The following CAST variants were observed in gnomAD, a reference collection of about 807,000 sequenced individuals.
CAST encodes calpastatin, also known as MIR583 host.
In CAST, 76 loss-of-function variants were observed where a neutral mutation model predicts 119.6. That is an observed-to-expected ratio of 0.64 (90% confidence interval 0.53 to 0.77). The LOEUF is 0.77. CAST is among the 30% of genes least tolerant of loss of function. The pLI is 0.00. For synonymous variants in CAST, 319 were observed against 331.6 expected (o/e 0.96, Z 0.41); for missense variants, 953 against 946.5 (o/e 1.01, Z -0.09).
At chr5:96,171,712 T>C in the CAST span, among the ~76,000 whole-genome samples, 11 of 152,142 alleles carry the variant, frequency 7.2e-5, no homozygotes, top group Non-Finnish European at 1.5e-5. Context: ...AGGCAGAGAT[T>C]GAAGTGTGGC....
At chr5:96,042,431 A>G in the CAST span, among the ~76,000 whole-genome samples, 1 of 152,170 alleles carries the variant, frequency 6.6e-6, no homozygotes, top group African/African-American at 2.4e-5. Flanking sequence ...TGATTTTCAG[A>G]TTGCTACCCT....
chr5:96,266,603 C>T, the CAST span, among the ~76,000 whole-genome samples: 1 of 152,052 alleles, frequency 6.6e-6, no homozygotes, highest in African/African-American at 2.4e-5. Flanking sequence ...GCTTGAGGCA[C>T]TATCTAGTGC....
chr5:96,174,714 T>A, the CAST span, among the ~76,000 whole-genome samples: 2 of 152,246 alleles, frequency 1.3e-5, no homozygotes, highest in Non-Finnish European at 2.9e-5. Context: ...ATCTTGTTAA[T>A]GTCTTTTCTA....
rs559212997 is a variant in CAST, at chr5:96,766,799, T to G, written c.2131-639T>G. On this transcript the variant is annotated intron_variant, in intron 27 of 31. Transcript: ENST00000675179. Reference sequence around the variant, plus strand: ...ACCCTTTCCATGCCTGTTCATCAAATAAGAAACAAGGAAGACCAAATTACA... The same window carrying G: ...ACCCTTTCCATGCCTGTTCATCAAAGAAGAAACAAGGAAGACCAAATTACA... Among the ~76,000 whole-genome samples the G allele has an allele frequency of 2.8e-3, 425 of 152,326 alleles. 6 individuals carry two copies. Among genetic ancestry groups the G allele is most frequent in the African/African-American group, 9.7e-3 (403 of 41,576 alleles).
At chr5:96,754,341 C>A (rs1765812391) in intron 21 of CAST, among the ~76,000 whole-genome samples, 180 bp downstream of exon 21, 1 of 152,178 alleles carries the variant, frequency 6.6e-6, no homozygotes, top group African/African-American at 2.4e-5. Context: ...CAGTGTTGAA[C>A]CCCCACAGTG....
At chr5:96,308,053 A>C in the CAST span, among the ~76,000 whole-genome samples, 10 of 152,146 alleles carry the variant, frequency 6.6e-5, no homozygotes, top group African/African-American at 2.4e-4. Flanking sequence ...GTGTTTTCCA[A>C]CTTGGTTCCA....
intron 3 of CAST, among the ~76,000 whole-genome samples, chr5:96,721,127 A>G (rs1239891392): frequency 1.3e-5 from 2 of 152,212 alleles, no homozygotes; most frequent in South Asian, 2.1e-4. Context: ...TACAGTTTTC[A>G]GTACCAAAAA....
At chr5:96,771,760 T>A in intron 31 of CAST, 58 bp downstream of exon 31, 1 of 1,089,466 alleles carries the variant, frequency 9.2e-7, no homozygotes, top group Non-Finnish European at 1.4e-6. Flanking sequence ...AATTTATGTG[T>A]TATAGATGAG....
chr5:96,495,863 C>T, the CAST span, among the ~76,000 whole-genome samples: 1 of 152,104 alleles, frequency 6.6e-6, no homozygotes, highest in Non-Finnish European at 1.5e-5. Context: ...AAAATAATTG[C>T]TACAGATCTT....
the CAST span, among the ~76,000 whole-genome samples, chr5:96,434,450 T>C: frequency 6.6e-6 from 1 of 152,200 alleles, no homozygotes; most frequent in Non-Finnish European, 1.5e-5. Context: ...TTTCCCTCTT[T>C]TGAACAGCAA....
chr5:96,399,001 A>G, the CAST span: 1 of 1,612,802 alleles, frequency 6.2e-7, no homozygotes, highest in Non-Finnish European at 8.5e-7. Flanking sequence ...TCTTGTTGGA[A>G]TTTCAATGAT....
chr5:96,478,314 T>A, the CAST span, among the ~76,000 whole-genome samples: 1 of 152,392 alleles, frequency 6.6e-6, no homozygotes, highest in African/African-American at 2.4e-5. Context: ...TAAGTGCATT[T>A]CATGCCTCAT....
In CAST at chr5:96,729,278, A is replaced by G. The variant is rs1759969794; in HGVS notation, c.435+69A>G. The G allele has an allele frequency of 5.6e-6, 5 of 894,900 alleles. No homozygotes were observed. In the African/African-American group the frequency reaches 6.7e-5, roughly 12 times the overall value. 55.4% of individuals were successfully genotyped at this position (894,900 alleles called of 1,614,324 possible). On this transcript the variant is annotated intron_variant, in intron 7 of 31. Coordinates refer to ENST00000675179, the MANE Select transcript of CAST (RefSeq NM_001750.7). ...TGGTGGGATATAATTAAAATCTTTCATTAATTCAAAACTAATCCCTACAAT... is the reference window on the plus strand; with the variant it reads ...TGGTGGGATATAATTAAAATCTTTCGTTAATTCAAAACTAATCCCTACAAT...
chr5:96,660,706 C>T (rs76590269), upstream of CAST, among the ~76,000 whole-genome samples: 6,517 of 152,098 alleles, frequency 0.043, 178 homozygotes, highest in Middle Eastern at 0.092. Flanking sequence ...TCACCTCACC[C>T]CTACAGCTTT....
At chr5:96,757,687 GTT>G (rs369438033) in intron 24 of CAST, 33 bp downstream of exon 24, 1,200 of 1,093,708 alleles carry the variant, frequency 1.1e-3, no homozygotes, top group Non-Finnish European at 1.2e-3. Flanking sequence ...TATTTCTTTA[GTT>G]TTTTTTTTTT....
intron 1 of CAST, among the ~76,000 whole-genome samples, chr5:96,543,210 G>T (rs536245934): frequency 6.6e-6 from 1 of 152,232 alleles, no homozygotes; most frequent in East Asian, 1.9e-4. Flanking sequence ...GCCATAAAAA[G>T]AATGAGTTCG....
the CAST span, among the ~76,000 whole-genome samples, chr5:96,195,412 A>G: frequency 3.9e-5 from 6 of 152,224 alleles, no homozygotes; most frequent in East Asian, 1.9e-4. Flanking sequence ...TGAGGAATCC[A>G]TATGTTCAGT....
chr5:96,594,120 G>T (rs261219), intron 1 of CAST, among the ~76,000 whole-genome samples: 63,834 of 152,008 alleles, frequency 0.42, 13,680 homozygotes, highest in Admixed American at 0.48. Context: ...ATTCCAAGAG[G>T]CCATGCCTCA....
At chr5:96,683,234 G>T (rs758064381) in intron 2 of CAST, among the ~76,000 whole-genome samples, 2 of 152,164 alleles carry the variant, frequency 1.3e-5, no homozygotes, top group Non-Finnish European at 2.9e-5. Flanking sequence ...TCAGATGCAT[G>T]ACACAAGTGG....
Sources: allele counts gnomAD v4.1 joint callset (sites outside exome capture counted in the v4.1 genomes callset), GRCh38; gene constraint gnomAD v4.1.1; transcripts MANE v1.5; gene names NCBI Gene and HGNC (gene_info 2026-07-23, HGNC 2026-07-21).